The following TRAPPC9 variants were observed in gnomAD, a reference collection of about 807,000 sequenced individuals.
The protein encoded by TRAPPC9 is trafficking protein particle complex subunit 9.
Under a neutral mutation model 124.0 loss-of-function variants are expected in TRAPPC9, and 83 were observed. That is an observed-to-expected ratio of 0.67 (90% CI 0.56 to 0.80). The LOEUF (loss-of-function observed/expected upper bound fraction) is 0.80. Among genes scored for constraint, TRAPPC9 ranks in the 30% least tolerant of loss-of-function variants. TRAPPC9 has a pLI of 0.00. For missense variants in TRAPPC9, 1,302 were observed against 1,508.3 expected, an observed-to-expected ratio of 0.86 and a Z score of 2.27; for synonymous variants, 638 against 617.5, an observed-to-expected ratio of 1.03 and a Z score of -0.49.
chr8:140,016,051 T>C (rs1839443309), intron 18 of TRAPPC9, among the ~76,000 whole-genome samples: 1 of 152,174 alleles, frequency 6.6e-6, no homozygotes, highest in South Asian at 2.1e-4. Flanking sequence ...CTGTGGGTGG[T>C]GAAATCCTTC....
intron 16 of TRAPPC9, among the ~76,000 whole-genome samples, chr8:140,244,174 A>C (rs2063925220): frequency 6.6e-6 from 1 of 152,222 alleles, no homozygotes; most frequent in Admixed American, 6.5e-5. Flanking sequence ...ACCGCTGCCC[A>C]AAGGGAAGGA....
chr8:140,346,464 C>T (rs186721877), intron 9 of TRAPPC9, among the ~76,000 whole-genome samples: 1 of 152,372 alleles, frequency 6.6e-6, no homozygotes, highest in Admixed American at 6.5e-5. Context: ...TCAAACACAT[C>T]CTTTGGAGTC....
intron 9 of TRAPPC9, among the ~76,000 whole-genome samples, chr8:140,351,096 G>T: frequency 6.6e-6 from 1 of 151,478 alleles, no homozygotes; most frequent in East Asian, 2.0e-4. Context: ...TGGCAGAAAA[G>T]GTGATTCCAG....
chr8:139,814,330 ACAGT>A (rs1449660617), intron 21 of TRAPPC9, among the ~76,000 whole-genome samples: 1 of 152,212 alleles, frequency 6.6e-6, no homozygotes, highest in African/African-American at 2.4e-5. Context: ...GAAGCCAAAA[ACAGT>A]CACCGTCGCT....
chr8:140,351,351 T>C (rs2067568830), intron 9 of TRAPPC9, among the ~76,000 whole-genome samples: 1 of 147,892 alleles, frequency 6.8e-6, no homozygotes, highest in Non-Finnish European at 1.5e-5. Flanking sequence ...GGGGAAAAAA[T>C]TGCATCTGTG....
At chr8:140,123,340 G>A (rs2061022805) in intron 17 of TRAPPC9, among the ~76,000 whole-genome samples, 1 of 152,172 alleles carries the variant, frequency 6.6e-6, no homozygotes, top group Admixed American at 6.5e-5. Context: ...AAGTGAAATT[G>A]CACATTTCAC....
At chr8:140,198,274 GA>G (rs2062712793) in intron 17 of TRAPPC9, among the ~76,000 whole-genome samples, 1 of 152,150 alleles carries the variant, frequency 6.6e-6, no homozygotes, top group African/African-American at 2.4e-5. Flanking sequence ...CTTGCCTGGG[GA>G]CTAGACTGCC....
At chr8:139,996,801 G>A (rs370373273) in intron 18 of TRAPPC9, among the ~76,000 whole-genome samples, 9 of 152,274 alleles carry the variant, frequency 5.9e-5, no homozygotes, top group Admixed American at 3.9e-4. Context: ...GTGCAATGGC[G>A]TGATCTCGGC....
intron 15 of TRAPPC9, among the ~76,000 whole-genome samples, chr8:140,259,380 C>T (rs2064347002): frequency 6.6e-6 from 1 of 152,172 alleles, no homozygotes; most frequent in Non-Finnish European, 1.5e-5. Context: ...CGGTCAAAAA[C>T]GGAAGGCAGG....
At chr8:140,168,785 T>C (rs2061901769) in intron 17 of TRAPPC9, among the ~76,000 whole-genome samples, 1 of 152,200 alleles carries the variant, frequency 6.6e-6, no homozygotes, top group African/African-American at 2.4e-5. Flanking sequence ...TTTCACTCTC[T>C]CCAGCTTCAT....
chr8:140,301,107 C>T (rs1305361316), intron 10 of TRAPPC9, among the ~76,000 whole-genome samples: 1 of 152,190 alleles, frequency 6.6e-6, no homozygotes. Context: ...TCTCCCTTTC[C>T]CAAGGGACCT....
At chr8:139,737,337 C>T (rs568931001) in intron 21 of TRAPPC9, among the ~76,000 whole-genome samples, 3 of 152,270 alleles carry the variant, frequency 2.0e-5, no homozygotes, top group East Asian at 3.9e-4. Context: ...GTTCTGTGAC[C>T]GCAGCAGCCC....
At chr8:139,885,095 A>C (rs1829917726) in intron 21 of TRAPPC9, among the ~76,000 whole-genome samples, 1 of 152,268 alleles carries the variant, frequency 6.6e-6, no homozygotes, top group Non-Finnish European at 1.5e-5. Context: ...TGGGTAAAGA[A>C]GAGGAAGAAA....
At chr8:140,019,023 T>C (rs979033270) in intron 18 of TRAPPC9, among the ~76,000 whole-genome samples, 3 of 152,244 alleles carry the variant, frequency 2.0e-5, no homozygotes, top group Non-Finnish European at 4.4e-5. Context: ...AATTAAGCAT[T>C]GACTTTTGTC....
At chr8:139,745,370 C>G (rs973986388) in intron 21 of TRAPPC9, among the ~76,000 whole-genome samples, 1 of 152,240 alleles carries the variant, frequency 6.6e-6, no homozygotes, top group South Asian at 2.1e-4. Context: ...AGCTCTGATC[C>G]TGGCCAGAGA....
intron 17 of TRAPPC9, among the ~76,000 whole-genome samples, chr8:140,088,993 T>C (rs1030161683): frequency 6.6e-6 from 1 of 152,186 alleles, no homozygotes; most frequent in African/African-American, 2.4e-5. Context: ...TAGTAAGGTT[T>C]GGGAAGCCTT....
At chr8:140,294,274 C>T (rs2065744750) in intron 11 of TRAPPC9, among the ~76,000 whole-genome samples, 1 of 152,088 alleles carries the variant, frequency 6.6e-6, no homozygotes, top group African/African-American at 2.4e-5. Flanking sequence ...CTCACCCGAC[C>T]TCCTCATTTA....
intron 15 of TRAPPC9, among the ~76,000 whole-genome samples, chr8:140,264,771 C>T (rs2064562461): frequency 6.6e-6 from 1 of 152,136 alleles, no homozygotes; most frequent in Admixed American, 6.5e-5. Context: ...CCCTGGCAGA[C>T]CAAGGAAGCC....
chr8:140,098,993 G>A (rs2060513670), intron 17 of TRAPPC9: 2 of 152,290 alleles, frequency 1.3e-5, no homozygotes, highest in Non-Finnish European at 2.9e-5. Flanking sequence ...ATCCTCCACA[G>A]CCGTGCACAG....
Sources: gnomAD v4.1 joint callset for allele counts (sites outside exome capture counted in the v4.1 genomes callset) on GRCh38, gnomAD v4.1.1 for gene constraint, MANE v1.5 for transcripts, NCBI Gene and HGNC (gene_info 2026-07-23, HGNC 2026-07-21) for gene names.